The following FER1L6 variants were observed in gnomAD, a reference collection of about 807,000 sequenced individuals.
FER1L6 encodes the protein fer-1 like family member 6.
In FER1L6, 177 loss-of-function variants were observed where a neutral mutation model predicts 219.2. The observed-to-expected ratio is 0.81, with a 90% CI of 0.71 to 0.91. The LOEUF (loss-of-function observed/expected upper bound fraction) is 0.91. Ranked by LOEUF, FER1L6 falls within the 40% of genes least tolerant of loss-of-function variation. FER1L6 has a pLI of 0.00. For missense variants in FER1L6, 2,153 were observed against 2,259.9 expected (o/e 0.95, Z 0.96); for synonymous variants, 768 against 824.3 (o/e 0.93, Z 1.17).
At chr8:123,980,969 C>T (rs1392279519) in intron 11 of FER1L6, among the ~76,000 whole-genome samples, 158 bp downstream of exon 11, 2 of 152,200 alleles carry the variant, frequency 1.3e-5, no homozygotes, top group African/African-American at 4.8e-5. Context: ...TGATCCTCTG[C>T]CCCCTCTTGC....
At chr8:123,903,085 A>G (rs962796964) in intron 1 of FER1L6, among the ~76,000 whole-genome samples, 1 of 152,052 alleles carries the variant, frequency 6.6e-6, no homozygotes, top group African/African-American at 2.4e-5. Flanking sequence ...TTTTAAATGC[A>G]ATTATATCTT....
intron 1 of FER1L6, among the ~76,000 whole-genome samples, chr8:123,944,690 G>A (rs2130019556): frequency 6.6e-6 from 1 of 152,248 alleles, no homozygotes; most frequent in Admixed American, 6.5e-5. Context: ...TTTGCTCTAG[G>A]TCACACACTA....
intron 16 of FER1L6, among the ~76,000 whole-genome samples, chr8:124,018,290 T>C (rs112968848): frequency 0.01 from 1,580 of 152,340 alleles, 31 homozygotes; most frequent in African/African-American, 0.036. Context: ...GGACATTTCA[T>C]GTGAGGCCAG....
intron 1 of FER1L6, among the ~76,000 whole-genome samples, chr8:123,889,961 G>A (rs1812609973): frequency 1.3e-5 from 2 of 152,096 alleles, no homozygotes; most frequent in South Asian, 4.1e-4. Context: ...AGTTACAAAA[G>A]TTTAGATAGT....
chr8:124,078,645 A>G (rs1298191503), intron 32 of FER1L6, among the ~76,000 whole-genome samples: 2 of 151,778 alleles, frequency 1.3e-5, no homozygotes, highest in East Asian at 3.9e-4. Context: ...GAGAGCATCA[A>G]ATAAATGCGT....
chr8:124,058,650 T>C (rs1452145454), intron 22 of FER1L6: 1 of 152,182 alleles, frequency 6.6e-6, no homozygotes, highest in Non-Finnish European at 1.5e-5. Flanking sequence ...GGATAAAACA[T>C]ATGATGCTTT....
chr8:123,947,949 AAG>A (rs1244357970), intron 1 of FER1L6, among the ~76,000 whole-genome samples: 1 of 152,206 alleles, frequency 6.6e-6, no homozygotes, highest in Non-Finnish European at 1.5e-5. Flanking sequence ...GTTCGTGGAC[AAG>A]AGAGTGTGTG....
At position 124,076,920 on chromosome 8, in the gene FER1L6, G is replaced by C. The variant is rs192018347; in HGVS notation, c.4220+595G>C. Among the ~76,000 whole-genome samples, 7 of 152,344 alleles carry C rather than the reference G, an allele frequency of 4.6e-5. No homozygotes were observed. The East Asian group carries it at 1.3e-3, about 29-fold the overall frequency. On this transcript the variant is annotated intron_variant, in intron 32 of 40. Transcript: ENST00000522917. Reference sequence around the variant, plus strand: ...GAACTTTGTCCTCAAGTTGTGCTTTGTTTTCCTGTAAAGTGTTAAAAGCTA... The same window carrying C: ...GAACTTTGTCCTCAAGTTGTGCTTTCTTTTCCTGTAAAGTGTTAAAAGCTA...
intron 38 of FER1L6, 59 bp from the exon 39 acceptor site, chr8:124,103,087 A>C (rs1822612968): frequency 1.4e-6 from 2 of 1,457,328 alleles, no homozygotes; most frequent in Admixed American, 3.5e-5. Context: ...GGTGATTGAG[A>C]AGCTCTTCTG....
intron 26 of FER1L6, among the ~76,000 whole-genome samples, chr8:124,065,352 G>A (rs1820781258): frequency 7.6e-6 from 1 of 131,732 alleles, no homozygotes; most frequent in African/African-American, 2.9e-5. Context: ...AGTGAGCCGA[G>A]ATCATGCTAC....
intron 19 of FER1L6, among the ~76,000 whole-genome samples, 185 bp from the exon 20 acceptor site, chr8:124,039,697 T>A (rs1159474321): frequency 2.0e-5 from 3 of 152,156 alleles, no homozygotes; most frequent in Non-Finnish European, 4.4e-5. Context: ...AAGTACCCCA[T>A]AAATATCACC....
intron 1 of FER1L6, among the ~76,000 whole-genome samples, chr8:123,939,451 T>C (rs1814141269): frequency 6.6e-6 from 1 of 152,070 alleles, no homozygotes; most frequent in South Asian, 2.1e-4. Context: ...ATTACTGAAG[T>C]GCTGGAGATT....
chr8:124,083,627 A>ATG (rs1166539947), intron 33 of FER1L6, among the ~76,000 whole-genome samples: 1 of 152,052 alleles, frequency 6.6e-6, no homozygotes, highest in Non-Finnish European at 1.5e-5. Flanking sequence ...AAAAAGATTT[A>ATG]TGTGTCTGTT....
chr8:123,993,461 G>A lies in FER1L6; in HGVS notation c.1519+7285G>A, dbSNP rs113850105. 2.5e-3 allele frequency among the ~76,000 whole-genome samples: 338 copies of A among 133,836 alleles called. 2 individuals carry two copies. Among genetic ancestry groups the A allele is most frequent in the African/African-American group, 0.01 (297 of 29,568 alleles). The allele number at this position is 133,836 out of a possible 152,430, so 87.8% of individuals were successfully genotyped here. ...CGTCTCAAAAAAAAAAAAAAAAAAA[G>A]GAAGAATGTATATCCAAGACCAAAT... On this transcript the variant is annotated intron_variant, in intron 12 of 40. Transcript: ENST00000522917.
At chr8:124,081,666 G>A (rs1481401084) in intron 32 of FER1L6, among the ~76,000 whole-genome samples, 1 of 148,182 alleles carries the variant, frequency 6.7e-6, no homozygotes, top group African/African-American at 2.5e-5. Flanking sequence ...GTCTTGTAGA[G>A]ACAACGCTTT....
chr8:123,889,475 C>T (rs1197657101), intron 1 of FER1L6, among the ~76,000 whole-genome samples: 1 of 151,994 alleles, frequency 6.6e-6, no homozygotes, highest in African/African-American at 2.4e-5. Flanking sequence ...TATTCTCATC[C>T]ATAAAATGCT....
chr8:124,023,965 C>T (rs1400446916), intron 18 of FER1L6, among the ~76,000 whole-genome samples: 3 of 151,066 alleles, frequency 2.0e-5, no homozygotes, highest in East Asian at 2.0e-4. Context: ...GGCGTGACCT[C>T]GGCTCACTGC....
At chr8:123,937,097 G>T (rs1814037130) in intron 1 of FER1L6, among the ~76,000 whole-genome samples, 1 of 152,022 alleles carries the variant, frequency 6.6e-6, no homozygotes, top group South Asian at 2.1e-4. Flanking sequence ...GTAGAGGCGG[G>T]GTTTCACCAT....
chr8:124,055,261 A>T (rs1820233524), intron 22 of FER1L6, among the ~76,000 whole-genome samples: 1 of 152,194 alleles, frequency 6.6e-6, no homozygotes, highest in African/African-American at 2.4e-5. Context: ...CGATATGGCG[A>T]GACCACATCT....
Sources: gnomAD v4.1 joint callset for allele counts (sites outside exome capture counted in the v4.1 genomes callset) on GRCh38, gnomAD v4.1.1 for gene constraint, MANE v1.5 for transcripts, NCBI Gene and HGNC (gene_info 2026-07-23, HGNC 2026-07-21) for gene names.